Variants in SCRIB observed in about 807,000 individuals in gnomAD.
The protein encoded by SCRIB is protein scribble homolog.
A neutral mutation model predicts 170.0 loss-of-function variants in SCRIB; 72 were observed. That is an observed-to-expected ratio of 0.42 (90% confidence interval 0.35 to 0.52). The LOEUF (loss-of-function observed/expected upper bound fraction) is 0.52. Ranked by LOEUF, SCRIB falls within the 20% of genes least tolerant of loss-of-function variation. The pLI is 0.02. For missense variants in SCRIB, 2,475 were observed against 2,338.5 expected (o/e 1.06, Z -1.20); for synonymous variants, 1,298 against 1,044.3 (o/e 1.24, Z -4.68).
chr8:143,791,398 G>C lies in SCRIB; in HGVS notation c.4813C>G (p.Pro1605Ala). The C allele has an allele frequency of 3.1e-6, 5 of 1,610,414 alleles. No homozygotes were observed. The highest frequency in any genetic ancestry group is 4.2e-6 in the Non-Finnish European group (5 of 1,178,984). ...CCCGGCCCCAACTCACCAGGGCTGGGAGATGGTTCCAGGGACCTCAACTCC... is the reference window on the plus strand; with the variant it reads ...CCCGGCCCCAACTCACCAGGGCTGGCAGATGGTTCCAGGGACCTCAACTCC... ...AEELRSLEPS[P>A]SPGPQEEDGE... The change falls in exon 36 of 37, where the codon CCC becomes GCC. Residue 1605 changes from proline to alanine, a missense_variant. Physicochemically the swap from Pro to Ala is conservative, Grantham distance 27. Transcript: ENST00000356994.
At chr8:143,809,796 C>T in intron 13 of SCRIB, 78 bp from the exon 14 acceptor site, 2 of 1,523,572 alleles carry the variant, frequency 1.3e-6, no homozygotes, top group East Asian at 2.3e-5. Context: ...CCCCACGTGG[C>T]AGGCCTTCCC....
intron 24 of SCRIB, among the ~76,000 whole-genome samples, chr8:143,796,244 C>T (rs115793337): frequency 0.028 from 4,199 of 152,176 alleles, 196 homozygotes; most frequent in African/African-American, 0.095. Flanking sequence ...AAGCCTGCGG[C>T]GGGCAACGGG....
In SCRIB at chr8:143,792,513, G is replaced by A. The variant is rs998087398; in HGVS notation, c.4300C>T (p.Pro1434Ser). Residue 1434 changes from proline to serine, a missense_variant, in exon 31 of 37, where the codon CCC (proline) becomes TCC (serine). Physicochemically the swap from Pro to Ser is moderately conservative, Grantham distance 74. Coordinates refer to ENST00000356994, the MANE Select transcript of SCRIB (RefSeq NM_182706.5). ...GAGGTGGGGCTCGGGCTGGCCCAGG[G>A]TGGCTGCTCATCCTCCTGTTCCTCC... ...GEEEQEDEQP[P>S]WASPSPTSRQ... The A allele has an allele frequency of 3.2e-6, 5 of 1,554,890 alleles. No individual in the cohort carries two copies. The highest frequency in any genetic ancestry group is 1.9e-5 in the Admixed American group (1 of 53,232).
At position 143,815,684 on chromosome 8, in the gene SCRIB, C is replaced by A; in HGVS notation, c.-312G>T. ...AGCTCGTCCCGCCCGCTCGTCCGCC[C>A]GCTGTGCCGCACCGGAACCGCCGCT... On this transcript the variant is annotated 5_prime_UTR_variant, in exon 1 of 37. Coordinates refer to ENST00000356994, the MANE Select transcript of SCRIB (RefSeq NM_182706.5). 3 of 983,048 alleles carry A rather than the reference C, an allele frequency of 3.1e-6. No individual in the cohort carries two copies. The highest frequency in any genetic ancestry group is 3.6e-6 in the Non-Finnish European group (3 of 829,086). The allele number at this position is 983,048 out of a possible 1,614,324, so 60.9% of individuals were successfully genotyped here. A position where few individuals can be genotyped will look rare whatever the true frequency, so the allele number is the denominator to read the frequency against.
In SCRIB at chr8:143,803,818, G is replaced by A. The variant is rs1815281608; in HGVS notation, c.3243C>T (p.Pro1081=). Residue 1081 remains proline (P), a synonymous_variant, in exon 23 of 37, where the codon CCC becomes CCT. Coordinates refer to ENST00000356994, the MANE Select transcript of SCRIB (RefSeq NM_182706.5). The part of the protein sequence containing the change: ...HQEAVSALLR[P]CLELSLLVRR... ...GCACCAGCAGCGACAGCTCCAGGCA[G>A]GGCCGGAGCAGGGCACTGACTGCTT... 6.2e-7 allele frequency: 1 copy of A among 1,604,352 alleles called. No individual in the cohort carries two copies.
intron 15 of SCRIB, 69 bp from the exon 16 acceptor site, chr8:143,807,683 GC>G: frequency 3.4e-6 from 4 of 1,188,884 alleles, no homozygotes; most frequent in Non-Finnish European, 5.0e-6. Context: ...GCCTCACCCA[GC>G]CCCCGCCACA....
At chr8:143,804,025 C>G in intron 22 of SCRIB, 21 bp downstream of exon 22, 1 of 1,591,056 alleles carries the variant, frequency 6.3e-7, no homozygotes, top group Non-Finnish European at 8.6e-7. Flanking sequence ...CTCACAGAAC[C>G]GCCTGGATGG....
In SCRIB at chr8:143,810,952, C is replaced by T; in HGVS notation, c.1227G>A (p.Lys409=). 1 of 1,612,096 alleles carries T rather than the reference C, an allele frequency of 6.2e-7. No individual in the cohort carries two copies. ...QTEDDARTGE[K]VLTCYLLPQQ... is the part of the protein sequence containing the mutation. The stretch of plus-strand genomic sequence containing the variant: ...GGGGCAGCAAGTAGCAGGTGAGCAC[C>T]TTCTCGCCGGTCCGGGCATCATCCT... The change falls in exon 11 of 37, where the codon AAG becomes AAA. Residue 409 remains lysine, a synonymous_variant. Coordinates refer to ENST00000356994, the MANE Select transcript of SCRIB (RefSeq NM_182706.5).
intron 24 of SCRIB, among the ~76,000 whole-genome samples, chr8:143,800,860 C>G (rs73373181): frequency 1.3e-4 from 20 of 152,240 alleles, no homozygotes; most frequent in Non-Finnish European, 1.5e-5. Context: ...GGCGACAGAG[C>G]GAGACCCTTT....
rs1392590837 is a variant in SCRIB at position 143,790,969 on chromosome 8, C to CTT, written c.*192_*193dup. 2.0e-6 allele frequency: 1 copy of CTT among 500,566 alleles called. No homozygotes were observed. The allele number at this position is 500,566 out of a possible 1,614,324, so 31.0% of individuals were successfully genotyped here. A position where few individuals can be genotyped will look rare whatever the true frequency, so the allele number is the denominator to read the frequency against. ...TTCTCCTTAAACCACAAAATAGAGT[C>CTT]TTTGGTTGTACAAACATCACTAGTT... On this transcript the variant is annotated 3_prime_UTR_variant, in exon 37 of 37. Coordinates refer to ENST00000356994, the MANE Select transcript of SCRIB (RefSeq NM_182706.5).
rs908242074 is a variant in SCRIB, at chr8:143,815,115, G to C, written c.159+99C>G. ...CTGGCCAGTGCAAACCAGCAGGGCC[G>C]GCTGGAGGCTGCGGTGACTCGCCCG... On this transcript the variant is annotated intron_variant, in intron 1 of 36. Transcript: ENST00000356994. 5 of 1,335,142 alleles carry C rather than the reference G, an allele frequency of 3.7e-6. No homozygotes were observed. The African/African-American group carries it at 7.6e-5, about 20-fold the overall frequency. The allele number at this position is 1,335,142 out of a possible 1,614,324, so 82.7% of individuals were successfully genotyped here. A position where few individuals can be genotyped will look rare whatever the true frequency, so the allele number is the denominator to read the frequency against.
rs1815896213 is a variant in SCRIB, at chr8:143,814,085, C to T, written c.193G>A (p.Gly65Ser). ...FFRLLNLRKL[G>S]LSDNEIQRLP... ...CGCTGGATCTCGTTGTCGCTCAGGC[C>T]CAGCTTGCGCAAGTTCAGCAGCCGG... The change falls in exon 2 of 37, where the codon GGC (glycine) becomes AGC (serine). Residue 65 changes from glycine (G) to serine (S), a missense_variant. Physicochemically the swap from Gly to Ser is moderately conservative, Grantham distance 56. Around this residue, in one of 3 missense-constraint regions of SCRIB, gnomAD observed 487 missense variants for 558.1 expected, o/e 0.87. Coordinates refer to ENST00000356994, the MANE Select transcript of SCRIB (RefSeq NM_182706.5). 3 of 1,554,784 alleles carry T rather than the reference C, an allele frequency of 1.9e-6. No homozygotes were observed. The highest frequency in any genetic ancestry group is 1.2e-5 in the South Asian group (1 of 84,460).
Position 143,803,822 on chromosome 8 carries a change from C to T in SCRIB, c.3239G>A (p.Arg1080Gln), listed in dbSNP as rs377154815. 2.3e-5 allele frequency: 37 copies of T among 1,603,832 alleles called. No homozygotes were observed. The highest frequency in any genetic ancestry group is 1.2e-4 in the South Asian group (11 of 90,448). The change falls in exon 23 of 37, where the codon CGG (arginine) becomes CAG (glutamine). Residue 1080 changes from arginine to glutamine, a missense_variant. By Grantham distance (43) the Arg-to-Gln change is conservative. Coordinates refer to ENST00000356994, the MANE Select transcript of SCRIB (RefSeq NM_182706.5). ...CAGCAGCGACAGCTCCAGGCAGGGC[C>T]GGAGCAGGGCACTGACTGCTTCTTG... The part of the protein sequence containing the change: ...THQEAVSALL[R>Q]PCLELSLLVR...
chr8:143,798,862 C>T (rs1173053475), intron 24 of SCRIB, among the ~76,000 whole-genome samples: 1 of 151,848 alleles, frequency 6.6e-6, no homozygotes, highest in Admixed American at 6.6e-5. Flanking sequence ...GGGGCCAGGT[C>T]CCACACAAAA....
chr8:143,807,068 T>C, intron 16 of SCRIB, 55 bp from the exon 17 acceptor site: 1 of 1,300,986 alleles, frequency 7.7e-7, no homozygotes, highest in Non-Finnish European at 1.1e-6. Context: ...CTGCCTGTGC[T>C]CTCTGCAGGA....
At chr8:143,792,906 C>T (rs1554633305) in intron 29 of SCRIB, 39 bp from the exon 30 acceptor site, 12 of 1,501,354 alleles carry the variant, frequency 8.0e-6, no homozygotes, top group Non-Finnish European at 1.1e-5. Flanking sequence ...TGGCATTCCT[C>T]CGAGATACTG....
At chr8:143,793,559 C>A (rs1814807801) in intron 28 of SCRIB, 2 of 347,374 alleles carry the variant, frequency 5.8e-6, no homozygotes, top group South Asian at 1.5e-4. Flanking sequence ...GAGGTGCCAA[C>A]AGTGGGGGGG....
Position 143,795,454 on chromosome 8 carries a change from A to T in SCRIB, c.3680T>A (p.Ile1227Asn). ...GCCCTCAGGGCTCAGCTCCCGGTCG[A>T]TGGAAGAGATGCTCTCCAGGCTGTT... ...HRNSLESISS[I>N]DRELSPEGPG... Residue 1227 changes from isoleucine (I) to asparagine (N), a missense_variant, in exon 25 of 37, where the codon ATC becomes AAC. Physicochemically the swap from Ile to Asn is moderately radical, Grantham distance 149 (BLOSUM62 -3). Coordinates refer to ENST00000356994, the MANE Select transcript of SCRIB (RefSeq NM_182706.5). 6.2e-7 allele frequency: 1 copy of T among 1,613,182 alleles called. No homozygotes were observed. The highest frequency in any genetic ancestry group is 8.5e-7 in the Non-Finnish European group (1 of 1,179,812).
chr8:143,813,569 G>A lies in SCRIB; in HGVS notation c.447-43C>T, dbSNP rs772584296. 2.1e-5 allele frequency: 34 copies of A among 1,612,882 alleles called. 1 individual carries two copies. The South Asian group carries it at 3.5e-4, about 17-fold the overall frequency. ...CGCTGGGGCAAGAGGAAGGAAAGCA[G>A]TGGCAGCAGGGGCAGGGCCAATCCT... On this transcript the variant is annotated intron_variant, in intron 4 of 36. Transcript: ENST00000356994.
Sources: allele counts gnomAD v4.1 joint callset (sites outside exome capture counted in the v4.1 genomes callset), GRCh38; gene constraint gnomAD v4.1.1; regional missense constraint gnomAD v4.1.1; transcripts MANE v1.5; gene names NCBI Gene and HGNC (gene_info 2026-07-23, HGNC 2026-07-21).